Variants in TTLL6 observed in about 807,000 individuals in gnomAD.
TTLL6 encodes the protein tubulin tyrosine ligase like 6.
In TTLL6, 75 loss-of-function variants were observed where a neutral mutation model predicts 96.4. The observed-to-expected ratio is 0.78, with a 90% CI of 0.65 to 0.94. The LOEUF (loss-of-function observed/expected upper bound fraction) is 0.94. Among genes scored for constraint, TTLL6 ranks in the 40% least tolerant of loss-of-function variants. The pLI is 0.00. For missense variants in TTLL6, 1,030 were observed against 1,093.0 expected (o/e 0.94, Z 0.81); for synonymous variants, 411 against 419.4 (o/e 0.98, Z 0.24).
intron 13 of TTLL6, among the ~76,000 whole-genome samples, chr17:48,776,068 TAAAG>T (rs1179267056): frequency 6.6e-6 from 1 of 151,940 alleles, no homozygotes; most frequent in Non-Finnish European, 1.5e-5. Flanking sequence ...GCAAGAAAAA[TAAAG>T]AGACTAATGA....
chr17:48,782,033 C>G (rs1446719674), intron 13 of TTLL6, among the ~76,000 whole-genome samples: 2 of 151,924 alleles, frequency 1.3e-5, no homozygotes, highest in Non-Finnish European at 2.9e-5. Context: ...CATTTGGTTA[C>G]AGCAGCCTGA....
chr17:48,803,995 C>T, intron 2 of TTLL6, 67 bp from the exon 3 acceptor site: 1 of 1,510,404 alleles, frequency 6.6e-7, no homozygotes, highest in Admixed American at 2.0e-5. Flanking sequence ...GTGACTGTAT[C>T]CAGAAACATC....
rs941588194 is a variant in TTLL6, at chr17:48,795,056, G to A, written c.998+1005C>T. 3.3e-5 allele frequency among the ~76,000 whole-genome samples: 5 copies of A among 152,164 alleles called. No individual in the cohort carries two copies. In the East Asian group the frequency reaches 7.7e-4, roughly 23 times the overall value. On this transcript the variant is annotated intron_variant, in intron 8 of 15. Transcript: ENST00000393382. ...AAAAATTCAAGAATAGGCCGGGCGC[G>A]GTGGCTCACGCCTGTAATCCCAGCA...
chr17:48,786,278 C>T lies in TTLL6; in HGVS notation c.1647G>A (p.Lys549=), dbSNP rs990294202. 1 of 1,614,238 alleles carries T rather than the reference C, an allele frequency of 6.2e-7. No homozygotes were observed. The highest frequency in any genetic ancestry group is 1.1e-5 in the South Asian group (1 of 91,088). The change falls in exon 12 of 16, where the codon AAG becomes AAA. Residue 549 remains lysine, a synonymous_variant. Transcript: ENST00000393382. Reference sequence around the variant, plus strand: ...CCGATTCCCCCTGCATCTCTACCTTCTTCTTCATTTGGAAGGGCTTTTTCT... The same window carrying T: ...CCGATTCCCCCTGCATCTCTACCTTTTTCTTCATTTGGAAGGGCTTTTTCT... The part of the protein sequence containing the change: ...KREKKPFQMK[K]KVEMQGESAG...
At chr17:48,805,916 C>A (rs955966061) in intron 1 of TTLL6, among the ~76,000 whole-genome samples, 2 of 152,178 alleles carry the variant, frequency 1.3e-5, no homozygotes, top group Admixed American at 6.5e-5. Context: ...TTGAGACCAG[C>A]CCTACCCACA....
chr17:48,803,491 A>C (rs1242000695), intron 3 of TTLL6, among the ~76,000 whole-genome samples: 6 of 151,642 alleles, frequency 4.0e-5, no homozygotes, highest in African/African-American at 1.5e-4. Flanking sequence ...GTCAAAAAAA[A>C]AAACAAAAAA....
chr17:48,788,105 A>G (rs1171812235), intron 10 of TTLL6, 106 bp from the exon 11 acceptor site: 1 of 1,002,868 alleles, frequency 1.0e-6, no homozygotes, highest in Non-Finnish European at 1.5e-6. Flanking sequence ...GAGGCCTTGC[A>G]CATAATGGCG....
intron 1 of TTLL6, among the ~76,000 whole-genome samples, chr17:48,811,073 T>C (rs1398089752): frequency 4.2e-5 from 6 of 142,244 alleles, no homozygotes; most frequent in South Asian, 2.3e-4. Context: ...TTTTTCTTTT[T>C]TTTTTTTTTT....
rs759090168 is a variant in TTLL6, at chr17:48,786,272, T to C, written c.1653A>G (p.Val551=). 6.2e-7 allele frequency: 1 copy of C among 1,614,148 alleles called. No homozygotes were observed. Residue 551 remains valine (V), a synonymous_variant, in exon 12 of 16, where the codon GTA becomes GTG. Coordinates refer to ENST00000393382, the MANE Select transcript of TTLL6 (RefSeq NM_001130918.3). ...EKKPFQMKKK[V]EMQGESAGEQ... ...CGCCTGCCGATTCCCCCTGCATCTCTACCTTCTTCTTCATTTGGAAGGGCT... is the reference window on the plus strand; with the variant it reads ...CGCCTGCCGATTCCCCCTGCATCTCCACCTTCTTCTTCATTTGGAAGGGCT...
intron 6 of TTLL6, among the ~76,000 whole-genome samples, chr17:48,798,566 C>CA (rs1041811972): frequency 2.0e-5 from 3 of 151,396 alleles, no homozygotes; most frequent in African/African-American, 4.8e-5. Flanking sequence ...GGCTCTGTCT[C>CA]AAAAAAAATA....
intron 13 of TTLL6, among the ~76,000 whole-genome samples, chr17:48,784,517 A>G (rs1186502533): frequency 2.6e-5 from 4 of 152,182 alleles, no homozygotes; most frequent in Non-Finnish European, 4.4e-5. Context: ...AGCACTCAGC[A>G]GCCACCAGAC....
In TTLL6 at chr17:48,790,086, G is replaced by A; in HGVS notation, c.1245C>T (p.Phe415=). 1 of 1,613,928 alleles carries A rather than the reference G, an allele frequency of 6.2e-7. No individual in the cohort carries two copies. Among genetic ancestry groups the A allele is most frequent in the African/African-American group, 1.3e-5 (1 of 75,022 alleles). The change falls in exon 10 of 16, where the codon TTC becomes TTT. Residue 415 remains phenylalanine, a synonymous_variant. Transcript: ENST00000393382. ...CTTTATCCAACCGAGAGTCGGTGGA[G>A]AAGCTTGGAGAGTGGTTGACCTGTG... ...WLLEVNHSPS[F]STDSRLDKEV... is the part of the protein sequence containing the mutation.
intron 15 of TTLL6, among the ~76,000 whole-genome samples, chr17:48,764,890 T>A (rs1270813250): frequency 6.6e-6 from 1 of 152,144 alleles, no homozygotes; most frequent in Non-Finnish European, 1.5e-5. Context: ...CTTTGTCATA[T>A]CTGCTACCTG....
chr17:48,785,417 G>A (rs142548588), intron 12 of TTLL6, among the ~76,000 whole-genome samples: 1 of 152,260 alleles, frequency 6.6e-6, no homozygotes, highest in East Asian at 1.9e-4. Flanking sequence ...TGAAATTGCA[G>A]TTTAAAAACT....
At chr17:48,775,524 T>TATTATC (rs2038852457) in intron 13 of TTLL6, among the ~76,000 whole-genome samples, 1 of 136,408 alleles carries the variant, frequency 7.3e-6, no homozygotes. Flanking sequence ...ATCCATCTAT[T>TATTATC]ATTATTATTA....
chr17:48,785,834 C>G (rs2039080685), intron 12 of TTLL6, among the ~76,000 whole-genome samples: 1 of 152,136 alleles, frequency 6.6e-6, no homozygotes, highest in African/African-American at 2.4e-5. Flanking sequence ...CAGTTGAGGA[C>G]CAGGAGTACA....
intron 1 of TTLL6, among the ~76,000 whole-genome samples, chr17:48,807,686 A>G (rs2039523966): frequency 6.8e-6 from 1 of 147,644 alleles, no homozygotes. Flanking sequence ...TAACTTTTAT[A>G]TTTTTAGTAG....
In TTLL6 at chr17:48,770,027, G is replaced by A. The variant is rs777441153; in HGVS notation, c.2111C>T (p.Thr704Ile). 1 of 1,614,200 alleles carries A rather than the reference G, an allele frequency of 6.2e-7. No homozygotes were observed. Among genetic ancestry groups the A allele is most frequent in the Admixed American group, 1.7e-5 (1 of 60,016 alleles). ...CTCAGAGCTGGCGGTCACAGCCAGGGTTGGCGGAGACTTTGGGGAGATTGA... is the reference window on the plus strand; with the variant it reads ...CTCAGAGCTGGCGGTCACAGCCAGGATTGGCGGAGACTTTGGGGAGATTGA... ...QLSISPKSPP[T>I]LAVTASSEYS... The change falls in exon 14 of 16, where the codon ACC becomes ATC. Residue 704 changes from threonine to isoleucine, a missense_variant. Physicochemically the swap from Thr to Ile is moderately conservative, Grantham distance 89. Transcript: ENST00000393382.
In TTLL6 at chr17:48,797,070, T is replaced by C; in HGVS notation, c.903A>G (p.Thr301=). 5.8e-6 allele frequency: 9 copies of C among 1,551,180 alleles called. No individual in the cohort carries two copies. The highest frequency in any genetic ancestry group is 7.8e-6 in the Non-Finnish European group (9 of 1,146,792). Reference sequence around the variant, plus strand: ...TGTCTCCTTAGCTCACCAGGTTGTCTGTGCAAGGGCGGGAGTAAGAGGTCG... The same window carrying C: ...TGTCTCCTTAGCTCACCAGGTTGTCCGTGCAAGGGCGGGAGTAAGAGGTCG... ...FATTSYSRPC[T]DNLDDICMHL... The change falls in exon 7 of 16, where the codon ACA becomes ACG. Residue 301 remains threonine, a synonymous_variant. Coordinates refer to ENST00000393382, the MANE Select transcript of TTLL6 (RefSeq NM_001130918.3).
Sources: gnomAD v4.1 joint callset for allele counts (sites outside exome capture counted in the v4.1 genomes callset) on GRCh38, gnomAD v4.1.1 for gene constraint, MANE v1.5 for transcripts, NCBI Gene and HGNC (gene_info 2026-07-23, HGNC 2026-07-21) for gene names.